Variants in LRRC9 observed in about 807,000 individuals in gnomAD.
LRRC9 encodes leucine-rich repeat-containing protein 9.
Under a neutral mutation model 63.2 loss-of-function variants are expected in LRRC9, and 122 were observed. The observed-to-expected ratio is 1.93, with a 90% CI of 1.67 to 2.24. The LOEUF is 2.24. Ranked by LOEUF, LRRC9 falls within the 30% of genes most tolerant of loss-of-function variation. The pLI is 0.00. For missense variants in LRRC9, 1,071 were observed against 627.7 expected (o/e 1.71, Z -7.55); for synonymous variants, 366 against 213.1 (o/e 1.72, Z -6.25).
Position 60,018,292 on chromosome 14 carries a change from G to C in LRRC9, c.3318-79G>C. 3 of 681,260 alleles carry C rather than the reference G, an allele frequency of 4.4e-6. No homozygotes were observed. In the South Asian group the frequency reaches 4.6e-5, roughly 10 times the overall value. The allele number at this position is 681,260 out of a possible 1,614,324, so 42.2% of individuals were successfully genotyped here. A position where few individuals can be genotyped will look rare whatever the true frequency, so the allele number is the denominator to read the frequency against. ...GACTTTTTAAATGTCTTTGGTGGCT[G>C]TATGTGAAGGAACTCACCTTTTCCT... On this transcript the variant is annotated intron_variant, in intron 24 of 31. Coordinates refer to ENST00000445360, the Ensembl canonical transcript of LRRC9.
chr14:60,053,149 G>C lies in LRRC9; in HGVS notation c.4075G>C (p.Asp1359His), dbSNP rs1381052569. Residue 1359 changes from aspartate to histidine, a missense_variant, in exon 30 of 32, where the codon GAT (aspartate) becomes CAT (histidine). Transcript: ENST00000445360. This position sits in a 1 kb window ranked among gnomAD's most constrained non-coding sequence, Gnocchi z 4.8. ...GTTAGATGGAAGTCCTGTGAATTCA[G>C]ATGATAGGGCAAAAGCTGAATTTCA... 4.3e-6 allele frequency: 3 copies of C among 701,600 alleles called. No homozygotes were observed. The allele number at this position is 701,600 out of a possible 1,614,324, so 43.5% of individuals were successfully genotyped here.
At chr14:60,001,233 A>G (rs760137406) in intron 19 of LRRC9, among the ~76,000 whole-genome samples, 16 of 151,804 alleles carry the variant, frequency 1.1e-4, no homozygotes, top group Non-Finnish European at 1.9e-4. Flanking sequence ...CAGCAATTTT[A>G]CTTTACTTAG....
intron 17 of LRRC9, among the ~76,000 whole-genome samples, chr14:59,987,804 T>C (rs1176286661): frequency 6.6e-6 from 1 of 152,218 alleles, no homozygotes; most frequent in Non-Finnish European, 1.5e-5. Context: ...TATCATTATT[T>C]CATTTATTAT....
chr14:60,015,760 A>T (rs896656150), intron 23 of LRRC9, among the ~76,000 whole-genome samples: 3 of 152,160 alleles, frequency 2.0e-5, no homozygotes, highest in Admixed American at 2.0e-4. Context: ...ACTTGCATGC[A>T]GGGAGTGGGG....
chr14:59,953,578 A>G (rs141585140), intron 8 of LRRC9, among the ~76,000 whole-genome samples: 2 of 152,298 alleles, frequency 1.3e-5, no homozygotes, highest in African/African-American at 4.8e-5. Context: ...TCAGATGGGT[A>G]TCTTGCAAAA....
intron 29 of LRRC9, among the ~76,000 whole-genome samples, chr14:60,048,722 G>T (rs1359539409): frequency 6.6e-6 from 1 of 152,130 alleles, no homozygotes; most frequent in African/African-American, 2.4e-5. Flanking sequence ...AGGAAGAACT[G>T]GTACCATTTC....
rs955094197 is a variant in LRRC9 at position 60,042,333 on chromosome 14, G to A, written c.3990+10270G>A. 6.6e-6 allele frequency among the ~76,000 whole-genome samples: 1 copy of A among 152,228 alleles called. No individual in the cohort carries two copies. Among genetic ancestry groups the A allele is most frequent in the Non-Finnish European group, 1.5e-5 (1 of 68,040 alleles). The stretch of plus-strand genomic sequence containing the variant: ...TTTCTGCTGCCTGTTGTTCAGCTAT[G>A]CCCTGCCCCCAGAGGTGGAGTCTAC... On this transcript the variant is annotated intron_variant, in intron 29 of 31. Coordinates refer to ENST00000445360, the Ensembl canonical transcript of LRRC9. The surrounding 1 kb of genome is among the most constrained non-coding windows in gnomAD (Gnocchi z 4.2).
Position 60,016,794 on chromosome 14 carries a change from C to T in LRRC9, c.3317+4C>T, listed in dbSNP as rs865810065. 5 of 677,344 alleles carry T rather than the reference C, an allele frequency of 7.4e-6. No individual in the cohort carries two copies. The Middle Eastern group carries it at 7.0e-4, about 95-fold the overall frequency. 42.0% of individuals were successfully genotyped at this position (677,344 alleles called of 1,614,324 possible). ...ATTGGACTTCATCATCTATTAGGTA[C>T]AATCATTTTATTATATGCCTTTTTA... On this transcript the variant is annotated splice_donor_region_variant and intron_variant, in intron 24 of 31. Transcript: ENST00000445360.
In LRRC9 at chr14:60,031,043, T is replaced by C. The variant is rs140320732; in HGVS notation, c.3922-952T>C. On this transcript the variant is annotated intron_variant, in intron 28 of 31. Transcript: ENST00000445360. The surrounding 1 kb of genome is among the most constrained non-coding windows in gnomAD (Gnocchi z 4.6). ...GTGACTACTGTTGTGTTCGGTTTAATTTGAGAAAATAATGTAAGACTTTTC... is the reference window on the plus strand; with the variant it reads ...GTGACTACTGTTGTGTTCGGTTTAACTTGAGAAAATAATGTAAGACTTTTC... Among the ~76,000 whole-genome samples the C allele has an allele frequency of 6.9e-4, 105 of 152,214 alleles. No homozygotes were observed. Among genetic ancestry groups the C allele is most frequent in the African/African-American group, 2.5e-3 (103 of 41,582 alleles).
At chr14:59,946,020 G>A (rs1344706049) in intron 8 of LRRC9, among the ~76,000 whole-genome samples, 3 of 151,416 alleles carry the variant, frequency 2.0e-5, no homozygotes, top group African/African-American at 7.3e-5. Context: ...AAAATGCTGA[G>A]TTTTTGACCC....
chr14:59,931,637 A>G, exon 5 of LRRC9: 1 of 699,160 alleles, frequency 1.4e-6, no homozygotes, highest in Non-Finnish European at 2.6e-6. Flanking sequence ...AACTTTGAAG[A>G]ATTTAAAAGA....
chr14:59,999,644 A>G (rs529607360), intron 19 of LRRC9, among the ~76,000 whole-genome samples: 1 of 152,206 alleles, frequency 6.6e-6, no homozygotes, highest in South Asian at 2.1e-4. Context: ...ATCCATTAAC[A>G]TGGAAGGAGG....
intron 14 of LRRC9, 40 bp from the exon 15 acceptor site, chr14:59,977,977 G>T: frequency 1.5e-6 from 1 of 673,836 alleles, no homozygotes; most frequent in Non-Finnish European, 2.7e-6. Context: ...TTCAATTTGA[G>T]AAAATGTGTT....
intron 13 of LRRC9, among the ~76,000 whole-genome samples, 187 bp from the exon 14 acceptor site, chr14:59,977,038 A>G (rs1336768694): frequency 6.6e-6 from 1 of 152,192 alleles, no homozygotes; most frequent in Non-Finnish European, 1.5e-5. Context: ...TGTATTCAAC[A>G]AATATTTGTT....
intron 29 of LRRC9, among the ~76,000 whole-genome samples, chr14:60,036,569 A>T (rs1396370735): frequency 1.3e-5 from 2 of 152,178 alleles, no homozygotes; most frequent in Non-Finnish European, 2.9e-5. Context: ...ACATCTTATG[A>T]ATAGACTCAG....
exon 19 of LRRC9, chr14:59,999,150 A>G: frequency 1.4e-6 from 1 of 701,204 alleles, no homozygotes. Flanking sequence ...ACTCTTACCC[A>G]TTTAAATGGA....
At chr14:60,057,682 C>A in intron 30 of LRRC9, 196 bp from the exon 31 acceptor site, 17 of 316,396 alleles carry the variant, frequency 5.4e-5, no homozygotes, top group Non-Finnish European at 7.5e-5. Context: ...ACACAAGGTT[C>A]TGAGGGAGGT....
intron 29 of LRRC9, among the ~76,000 whole-genome samples, chr14:60,034,334 T>C (rs1056130899): frequency 6.6e-6 from 1 of 152,084 alleles, no homozygotes; most frequent in South Asian, 2.1e-4. Context: ...TTTTAATGTA[T>C]TGCTGTCATA....
intron 29 of LRRC9, among the ~76,000 whole-genome samples, chr14:60,049,977 C>A (rs2140423434): frequency 6.6e-6 from 1 of 151,824 alleles, no homozygotes; most frequent in African/African-American, 2.4e-5. Context: ...TTTCTCTAAT[C>A]TTTTCTATCT....
Sources: gnomAD v4.1 joint callset for allele counts (sites outside exome capture counted in the v4.1 genomes callset) on GRCh38, gnomAD v4.1.1 for gene constraint, Gnocchi (gnomAD v3.1) non-coding constraint, MANE v1.5 for transcripts, NCBI Gene and HGNC (gene_info 2026-07-23, HGNC 2026-07-21) for gene names.